The following SPATA25 variants were observed in gnomAD, a reference collection of about 807,000 sequenced individuals.
SPATA25 encodes spermatogenesis-associated protein 25.
A neutral mutation model predicts 16.0 loss-of-function variants in SPATA25; 16 were observed. The observed-to-expected ratio is 1.00, with a 90% CI of 0.68 to 1.52. The LOEUF is 1.52. Among genes scored for constraint, SPATA25 ranks in the 40% most tolerant of loss-of-function variants. The pLI is 0.00. For missense variants in SPATA25, 285 were observed against 289.2 expected (o/e 0.99, Z 0.11); for synonymous variants, 115 against 118.5 (o/e 0.97, Z 0.19).
At chr20:45,890,920 G>A (rs772903440), upstream of SPATA25, 64 of 1,540,250 alleles carry the variant, frequency 4.2e-5, no homozygotes, top group Non-Finnish European at 5.6e-5. Flanking sequence ...GATGGAAGCG[G>A]GTGGGAGGGG....
At chr20:45,890,311 G>A (rs367770819), upstream of SPATA25, 1 of 1,613,402 alleles carries the variant, frequency 6.2e-7, no homozygotes, top group Admixed American at 1.7e-5. Flanking sequence ...CCACCACCGC[G>A]TAGAGGGGCT....
Position 45,886,544 on chromosome 20 carries a change from C to G in SPATA25, c.657G>C (p.Arg219Ser), listed in dbSNP as rs751876832. 2 of 1,584,432 alleles carry G rather than the reference C, an allele frequency of 1.3e-6. No individual in the cohort carries two copies. The highest frequency in any genetic ancestry group is 1.7e-6 in the Non-Finnish European group (2 of 1,160,440). Reference protein sequence around the residue: ...SGKMPLVRSKRGQPPGSCL With the variant: ...SGKMPLVRSKSGQPPGSCL ...ACAAGCAGGAGCCAGGAGGCTGGCC[C>G]CTTTTAGATCTCACTAGGGGCATCT... Residue 219 changes from arginine (R) to serine (S), a missense_variant, in exon 2 of 2, where the codon AGG becomes AGC. Transcript: ENST00000372519.
At chr20:45,890,203 C>CT, upstream of SPATA25, 1 of 1,611,378 alleles carries the variant, frequency 6.2e-7, no homozygotes, top group East Asian at 2.2e-5. Context: ...TAGTAGATTC[C>CT]AGTCCCCACA....
In SPATA25 at chr20:45,886,969, T is replaced by C; in HGVS notation, c.232A>G (p.Ser78Gly). 6.2e-7 allele frequency: 1 copy of C among 1,613,982 alleles called. No individual in the cohort carries two copies. The highest frequency in any genetic ancestry group is 8.5e-7 in the Non-Finnish European group (1 of 1,180,020). Residue 78 changes from serine to glycine, a missense_variant, in exon 2 of 2, where the codon AGC (serine) becomes GGC (glycine). Ser to Gly is a moderately conservative substitution (Grantham distance 56). Transcript: ENST00000372519. ...TATTCCTTCCGTAGTGTCTCCCAGC[T>C]AGTCCCCCCAGGGCAGCCCCTGGCT... ...PQARGCPGGT[S>G]WETLRKEYSR...
chr20:45,887,862 G>T (rs1411981328), upstream of SPATA25, among the ~76,000 whole-genome samples: 1 of 152,194 alleles, frequency 6.6e-6, no homozygotes, highest in Non-Finnish European at 1.5e-5. Context: ...TGTAAAGTGT[G>T]TCTGATGACT....
chr20:45,887,433 A>C, intron 1 of SPATA25, 103 bp downstream of exon 1: 1 of 1,132,000 alleles, frequency 8.8e-7, no homozygotes, highest in Non-Finnish European at 1.3e-6. Context: ...TTCTAGGGCC[A>C]GCCCCCAAAT....
rs761392675 is a variant in SPATA25 at position 45,886,702 on chromosome 20, C to T, written c.499G>A (p.Val167Met). 1.2e-5 allele frequency: 20 copies of T among 1,614,010 alleles called. No individual in the cohort carries two copies. The highest frequency in any genetic ancestry group is 3.3e-4 in the Middle Eastern group (2 of 6,084). Residue 167 changes from valine to methionine, a missense_variant, in exon 2 of 2, where the codon GTG becomes ATG. Coordinates refer to ENST00000372519, the MANE Select transcript of SPATA25 (RefSeq NM_080608.4). Reference protein sequence around the residue: ...LAMMIAGIPTVPVPGVREEDL... With the variant: ...LAMMIAGIPTMPVPGVREEDL... ...TCTTCCCGAACTCCTGGGACGGGCA[C>T]GGTGGGGATGCCAGCGATCATCATG...
chr20:45,887,682 C>A (rs1986537829), upstream of SPATA25: 1 of 1,190,686 alleles, frequency 8.4e-7, no homozygotes, highest in Non-Finnish European at 1.2e-6. Flanking sequence ...CATAGACCCT[C>A]CCCTTCACAC....
Position 45,886,813 on chromosome 20 carries a change from G to C in SPATA25, c.388C>G (p.Leu130Val), listed in dbSNP as rs1456026081. Residue 130 changes from leucine (L) to valine (V), a missense_variant, in exon 2 of 2, where the codon CTG becomes GTG. Transcript: ENST00000372519. ...SRPRPLMLCGLSPRVLPVPSE... is the reference protein window; with the variant it reads ...SRPRPLMLCGVSPRVLPVPSE... Reference sequence around the variant, plus strand: ...GGTACCGGTAGAACCCGTGGTGACAGCCCACACAGCATCAGGGGCCTAGGC... The same window carrying C: ...GGTACCGGTAGAACCCGTGGTGACACCCCACACAGCATCAGGGGCCTAGGC... 2 of 1,613,866 alleles carry C rather than the reference G, an allele frequency of 1.2e-6. No individual in the cohort carries two copies. Among genetic ancestry groups the C allele is most frequent in the Non-Finnish European group, 8.5e-7 (1 of 1,180,040 alleles).
chr20:45,890,440 G>T, upstream of SPATA25: 1 of 1,609,360 alleles, frequency 6.2e-7, no homozygotes, highest in Non-Finnish European at 8.5e-7. Context: ...TACGGCGCGC[G>T]GTCGGAGGCA....
At chr20:45,890,413 G>A (rs757414186), upstream of SPATA25, 5 of 1,612,128 alleles carry the variant, frequency 3.1e-6, no homozygotes, top group Non-Finnish European at 3.4e-6. Flanking sequence ...GCGGGCAAAA[G>A]AGGACACCCA....
At chr20:45,890,867 C>T (rs756052563), upstream of SPATA25, 1 of 1,569,450 alleles carries the variant, frequency 6.4e-7, no homozygotes, top group South Asian at 1.2e-5. Context: ...GCGTGTGGCC[C>T]GCGTCCCAGA....
upstream of SPATA25, among the ~76,000 whole-genome samples, chr20:45,887,837 C>G (rs1986543584): frequency 6.6e-6 from 1 of 152,120 alleles, no homozygotes; most frequent in African/African-American, 2.4e-5. Flanking sequence ...AGTTTTGTTC[C>G]TTGATATCCT....
upstream of SPATA25, chr20:45,888,601 A>T: frequency 1.5e-6 from 1 of 682,728 alleles, no homozygotes; most frequent in Non-Finnish European, 2.5e-6. Flanking sequence ...AGTGACTCTC[A>T]TAGGCTGTAG....
chr20:45,889,973 G>T (rs1462600877), upstream of SPATA25, among the ~76,000 whole-genome samples: 1 of 152,134 alleles, frequency 6.6e-6, no homozygotes, highest in Non-Finnish European at 1.5e-5. Context: ...ATCTAAAATT[G>T]GTTTAGAATC....
chr20:45,888,705 G>A, upstream of SPATA25: 1 of 1,588,572 alleles, frequency 6.3e-7, no homozygotes, highest in East Asian at 2.2e-5. Context: ...GGACCAGCCA[G>A]CCACAGGTCT....
At chr20:45,890,439 C>T (rs747472921), upstream of SPATA25, 9 of 1,608,970 alleles carry the variant, frequency 5.6e-6, no homozygotes, top group South Asian at 8.8e-5. Flanking sequence ...CTACGGCGCG[C>T]GGTCGGAGGC....
chr20:45,887,770 A>G (rs978085563), upstream of SPATA25: 3 of 492,800 alleles, frequency 6.1e-6, no homozygotes, highest in African/African-American at 5.9e-5. Context: ...AAAGAGCACC[A>G]GACCAGGAGC....
Position 45,886,764 on chromosome 20 carries a change from GCCT to G in SPATA25, c.434_436del (p.Glu145del). The G allele has an allele frequency of 6.2e-7, 1 of 1,614,004 alleles. No individual in the cohort carries two copies. The highest frequency in any genetic ancestry group is 1.1e-5 in the South Asian group (1 of 91,088). ...GATGCAGATATCAGGCTGGGAGCTG[GCCT>G]CCTTCCCCACTGCCTCAGAGGGTAC... On this transcript the variant is annotated inframe_deletion, in exon 2 of 2. Transcript: ENST00000372519.
Sources: gnomAD v4.1 joint callset for allele counts (sites outside exome capture counted in the v4.1 genomes callset) on GRCh38, gnomAD v4.1.1 for gene constraint, MANE v1.5 for transcripts, NCBI Gene and HGNC (gene_info 2026-07-23, HGNC 2026-07-21) for gene names.